CTNND2: variants seen among roughly 807,000 people sequenced by gnomAD.
CTNND2 encodes catenin delta 2.
CTNND2 carries 22 observed loss-of-function variants against 144.4 expected under a neutral mutation model. The observed-to-expected ratio is 0.15, with a 90% confidence interval of 0.11 to 0.22. CTNND2 has a LOEUF of 0.22. Among genes scored for constraint, CTNND2 ranks in the 10% least tolerant of loss-of-function variants. CTNND2 has a pLI of 1.00. For missense variants in CTNND2, 1,353 were observed against 1,618.8 expected, an observed-to-expected ratio of 0.84 and a Z score of 2.82; for synonymous variants, 751 against 695.6, an observed-to-expected ratio of 1.08 and a Z score of -1.25.
In CTNND2 at chr5:11,382,961, G is replaced by T. The variant is rs569307912; in HGVS notation, c.1177+1704C>A. Reference sequence around the variant, plus strand: ...GCGCAATACAATCTATTTTTACAATGTACTTTTACTACCTCTTCTTAGATG... The same window carrying T: ...GCGCAATACAATCTATTTTTACAATTTACTTTTACTACCTCTTCTTAGATG... On this transcript the variant is annotated intron_variant, in intron 7 of 21. Coordinates refer to ENST00000304623, the MANE Select transcript of CTNND2 (RefSeq NM_001332.4). Among the ~76,000 whole-genome samples, 10 of 152,200 alleles carry T rather than the reference G, an allele frequency of 6.6e-5. 1 individual carries two copies. In the South Asian group the frequency reaches 2.1e-3, roughly 32 times the overall value.
chr5:11,764,475 G>T (rs1248823605), intron 1 of CTNND2, among the ~76,000 whole-genome samples: 1 of 152,138 alleles, frequency 6.6e-6, no homozygotes, highest in East Asian at 1.9e-4. Context: ...GAAAACAGTT[G>T]AACTTGATTC....
intron 1 of CTNND2, among the ~76,000 whole-genome samples, chr5:11,873,458 T>G (rs368266135): frequency 2.0e-5 from 3 of 152,258 alleles, no homozygotes; most frequent in Admixed American, 6.5e-5. Flanking sequence ...AGGGCTGAGG[T>G]TACTTGCCAC....
At chr5:11,601,674 A>G (rs976876841) in intron 2 of CTNND2, among the ~76,000 whole-genome samples, 1 of 152,170 alleles carries the variant, frequency 6.6e-6, no homozygotes, top group African/African-American at 2.4e-5. Flanking sequence ...AGTTTATAAA[A>G]TGGATTTACA....
intron 1 of CTNND2, among the ~76,000 whole-genome samples, chr5:11,780,451 G>C (rs1439940416): frequency 6.6e-6 from 1 of 152,138 alleles, no homozygotes; most frequent in Non-Finnish European, 1.5e-5. Context: ...GATGGCTGCT[G>C]CTCCCAGCAA....
At chr5:10,984,180 C>T (rs1005179867) in intron 20 of CTNND2, among the ~76,000 whole-genome samples, 2 of 152,124 alleles carry the variant, frequency 1.3e-5, no homozygotes, top group African/African-American at 2.4e-5. Context: ...CTTCCTCTTC[C>T]AGAGCAGAAG....
intron 1 of CTNND2, among the ~76,000 whole-genome samples, chr5:11,831,877 A>G (rs1019021153): frequency 2.0e-5 from 3 of 152,166 alleles, no homozygotes; most frequent in African/African-American, 7.2e-5. Context: ...CTAATGTAAA[A>G]GTTAATATGT....
chr5:11,628,711 T>A (rs1170031210), intron 2 of CTNND2, among the ~76,000 whole-genome samples: 1 of 152,214 alleles, frequency 6.6e-6, no homozygotes, highest in African/African-American at 2.4e-5. Flanking sequence ...CTTCACCACT[T>A]TTTGTACTTT....
intron 2 of CTNND2, among the ~76,000 whole-genome samples, chr5:11,679,693 A>C (rs1315180959): frequency 6.6e-6 from 1 of 152,204 alleles, no homozygotes; most frequent in African/African-American, 2.4e-5. Context: ...AATATGTTAA[A>C]GTCTCTACCT....
At chr5:11,328,725 C>A (rs1490757898) in intron 9 of CTNND2, among the ~76,000 whole-genome samples, 6 of 152,190 alleles carry the variant, frequency 3.9e-5, no homozygotes, top group Non-Finnish European at 8.8e-5. Context: ...CTTTGAAGAT[C>A]TACACGTGCA....
intron 9 of CTNND2, among the ~76,000 whole-genome samples, chr5:11,294,012 C>A (rs916762649): frequency 1.3e-5 from 2 of 151,332 alleles, no homozygotes; most frequent in African/African-American, 2.4e-5. Flanking sequence ...CAGGAACCCA[C>A]AAGATGAGGA....
In CTNND2 at chr5:11,244,060, T is replaced by C. The variant is rs375256672; in HGVS notation, c.1629-7237A>G. The stretch of plus-strand genomic sequence containing the variant: ...TTTCATATTTAGAGTCAAGAGGAAG[T>C]AGGTGATTTTGTTTTTCATTTGGGC... On this transcript the variant is annotated intron_variant, in intron 9 of 21. Transcript: ENST00000304623. 7.2e-5 allele frequency among the ~76,000 whole-genome samples: 11 copies of C among 152,258 alleles called. No homozygotes were observed. The East Asian group carries it at 1.9e-3, about 27-fold the overall frequency.
chr5:11,131,252 CTTCACCAAGCAGT>C (rs1755564950), intron 12 of CTNND2, among the ~76,000 whole-genome samples: 1 of 152,124 alleles, frequency 6.6e-6, no homozygotes, highest in African/African-American at 2.4e-5. Context: ...GCAATATTCA[CTTCACCAAGCAGT>C]TGGCTTCCAG....
At chr5:11,158,063 A>G (rs1165042078) in intron 12 of CTNND2, among the ~76,000 whole-genome samples, 1 of 152,198 alleles carries the variant, frequency 6.6e-6, no homozygotes, top group Non-Finnish European at 1.5e-5. Context: ...CCACGAAGAC[A>G]TACTTATGCT....
intron 2 of CTNND2, among the ~76,000 whole-genome samples, chr5:11,667,092 T>C (rs1050105119): frequency 3.3e-5 from 5 of 152,174 alleles, no homozygotes; most frequent in African/African-American, 1.2e-4. Context: ...AAAAAGGACA[T>C]GAAATCATCC....
rs140828298 is a variant in CTNND2, at chr5:11,050,103, T to C, written c.2789-27124A>G. On this transcript the variant is annotated intron_variant, in intron 16 of 21. Transcript: ENST00000304623. ...AATTGTGCATGTATATTTTAGCCTA[T>C]GGAATTTTAACTGGATGCTCTTTCT... 1.2e-3 allele frequency among the ~76,000 whole-genome samples: 180 copies of C among 152,364 alleles called. 1 individual carries two copies. The highest frequency in any genetic ancestry group is 1.8e-4 in the Non-Finnish European group (12 of 68,034).
chr5:11,373,282 G>T (rs146242211), intron 7 of CTNND2, among the ~76,000 whole-genome samples: 4 of 152,126 alleles, frequency 2.6e-5, no homozygotes, highest in African/African-American at 7.2e-5. Flanking sequence ...TCACTATGTT[G>T]CTCAAGCTGG....
intron 9 of CTNND2, among the ~76,000 whole-genome samples, chr5:11,313,190 C>T (rs1367113071): frequency 3.3e-5 from 5 of 152,204 alleles, no homozygotes; most frequent in Non-Finnish European, 7.3e-5. Flanking sequence ...CTTTTCAACT[C>T]CGTCACAAGA....
chr5:11,528,082 G>A (rs116150569), intron 3 of CTNND2, among the ~76,000 whole-genome samples: 1,905 of 152,252 alleles, frequency 0.013, 45 homozygotes, highest in African/African-American at 0.043. Flanking sequence ...AAAAGCTCGC[G>A]GGGGACTTAT....
intron 12 of CTNND2, among the ~76,000 whole-genome samples, chr5:11,137,626 T>C (rs976779916): frequency 2.6e-5 from 4 of 152,146 alleles, no homozygotes; most frequent in African/African-American, 9.7e-5. Flanking sequence ...AGAATGCTTT[T>C]GGAAAAGAAA....
Sources: allele counts gnomAD v4.1 joint callset (sites outside exome capture counted in the v4.1 genomes callset), GRCh38; gene constraint gnomAD v4.1.1; transcripts MANE v1.5; gene names NCBI Gene and HGNC (gene_info 2026-07-23, HGNC 2026-07-21).